The following NTM variants were observed in gnomAD, a reference collection of about 807,000 sequenced individuals.
NTM encodes neurotrimin, also known as IgLON family member 2.
A neutral mutation model predicts 42.1 loss-of-function variants in NTM; 13 were observed. The observed-to-expected ratio is 0.31, with a 90% CI of 0.20 to 0.49. The LOEUF (loss-of-function observed/expected upper bound fraction) is 0.49. Ranked by LOEUF, NTM falls within the 20% of genes least tolerant of loss-of-function variation. The probability of loss-of-function intolerance (pLI) is 0.99; values close to 1 mark genes in which losing one functional copy is unlikely to be tolerated. For synonymous variants in NTM, 187 were observed against 179.2 expected (o/e 1.04, Z -0.35); for missense variants, 373 against 452.8 (o/e 0.82, Z 1.60).
intron 2 of NTM, among the ~76,000 whole-genome samples, chr11:131,932,694 C>T (rs2058759323): frequency 6.6e-6 from 1 of 152,166 alleles, no homozygotes; most frequent in African/African-American, 2.4e-5. Flanking sequence ...CCTTAATGAG[C>T]AGGCGTTGGT....
At chr11:131,504,220 C>G (rs7114267) in intron 1 of NTM, among the ~76,000 whole-genome samples, 179 of 152,322 alleles carry the variant, frequency 1.2e-3, no homozygotes, top group African/African-American at 4.2e-3. Flanking sequence ...CTCTGTCTCG[C>G]ACAGCGCATG....
At position 131,734,104 on chromosome 11, in the gene NTM, A is replaced by G. The variant is rs141905135; in HGVS notation, c.83-177460A>G. Among the ~76,000 whole-genome samples the G allele has an allele frequency of 5.9e-5, 9 of 152,308 alleles. No homozygotes were observed. The East Asian group carries it at 1.7e-3, about 29-fold the overall frequency. On this transcript the variant is annotated intron_variant, in intron 1 of 8. Coordinates refer to ENST00000683400, the MANE Select transcript of NTM (RefSeq NM_001352005.2). ...GTATCTGACAACAAAGAGACCCTCC[A>G]GTGGGGCCATGCAGGAGGAGAGACA...
intron 1 of NTM, among the ~76,000 whole-genome samples, chr11:131,476,310 C>A (rs781507772): frequency 6.6e-6 from 1 of 152,190 alleles, no homozygotes; most frequent in Non-Finnish European, 1.5e-5. Flanking sequence ...ATTTAATAGA[C>A]AAGTGAGTGG....
chr11:131,869,280 C>G (rs115069880), intron 1 of NTM, among the ~76,000 whole-genome samples: 2 of 152,308 alleles, frequency 1.3e-5, no homozygotes, highest in East Asian at 3.9e-4. Context: ...TGCTTCTCCC[C>G]GCCTACGCGC....
At chr11:131,377,118 A>C (rs912770930) in intron 1 of NTM, among the ~76,000 whole-genome samples, 1 of 152,170 alleles carries the variant, frequency 6.6e-6, no homozygotes, top group African/African-American at 2.4e-5. Context: ...CAGGGAAGTA[A>C]CCAGCCCTCA....
At chr11:132,244,709 C>G (rs1246012264) in intron 4 of NTM, among the ~76,000 whole-genome samples, 1 of 152,202 alleles carries the variant, frequency 6.6e-6, no homozygotes, top group African/African-American at 2.4e-5. Flanking sequence ...ATTCACAACG[C>G]AGGTGCACAG....
intron 2 of NTM, among the ~76,000 whole-genome samples, chr11:131,998,981 G>A (rs2068663642): frequency 1.3e-5 from 2 of 152,140 alleles, no homozygotes; most frequent in South Asian, 4.2e-4. Flanking sequence ...GATTGGAGAA[G>A]CAGACATTGT....
chr11:131,809,741 A>G (rs1055485162), intron 1 of NTM, among the ~76,000 whole-genome samples: 8 of 152,194 alleles, frequency 5.3e-5, no homozygotes, highest in African/African-American at 1.9e-4. Flanking sequence ...CGGCACCAAT[A>G]TAAATCTTCG....
At chr11:132,232,599 A>G (rs1415985159) in intron 4 of NTM, among the ~76,000 whole-genome samples, 1 of 152,246 alleles carries the variant, frequency 6.6e-6, no homozygotes, top group Non-Finnish European at 1.5e-5. Context: ...GACTCTTAAC[A>G]AACCAATTAA....
intron 1 of NTM, among the ~76,000 whole-genome samples, chr11:131,755,281 A>C (rs2083175695): frequency 6.6e-6 from 1 of 152,188 alleles, no homozygotes; most frequent in Non-Finnish European, 1.5e-5. Context: ...TTTATATATG[A>C]AAGGTACAAT....
chr11:131,931,446 A>T (rs1565764099), intron 2 of NTM, among the ~76,000 whole-genome samples: 1 of 148,356 alleles, frequency 6.7e-6, no homozygotes, highest in African/African-American at 2.5e-5. Flanking sequence ...CTCAAAAAAA[A>T]AAATAATAAT....
In NTM at chr11:131,510,866, G is replaced by GC. The variant is rs777586663; in HGVS notation, c.82+139983dup. Among the ~76,000 whole-genome samples the GC allele has an allele frequency of 6.3e-4, 96 of 152,292 alleles. 1 individual carries two copies. In the Middle Eastern group the frequency reaches 0.02, roughly 32 times the overall value. Reference sequence around the variant, plus strand: ...GTCCTGGCTTGGGTGGGTCTGCACGGCCCCCTGGGCCGTGGGAAGAGCTCC... The same window carrying GC: ...GTCCTGGCTTGGGTGGGTCTGCACGGCCCCCCTGGGCCGTGGGAAGAGCTCC... On this transcript the variant is annotated intron_variant, in intron 1 of 8. Transcript: ENST00000683400.
intron 2 of NTM, among the ~76,000 whole-genome samples, chr11:132,144,347 C>T (rs1364426245): frequency 6.6e-6 from 1 of 152,188 alleles, no homozygotes; most frequent in Non-Finnish European, 1.5e-5. Flanking sequence ...CCAGGGGGCT[C>T]ATGTGCACCG....
intron 1 of NTM, among the ~76,000 whole-genome samples, chr11:131,879,794 T>A (rs1379112420): frequency 1.3e-5 from 2 of 152,162 alleles, no homozygotes; most frequent in African/African-American, 4.8e-5. Flanking sequence ...TCTTAAATAG[T>A]TGTCCCAAAT....
intron 1 of NTM, among the ~76,000 whole-genome samples, chr11:131,690,565 G>A (rs2074532333): frequency 6.6e-6 from 1 of 152,232 alleles, no homozygotes; most frequent in South Asian, 2.1e-4. Context: ...AGCGTTCTCT[G>A]CCCTCAGAAA....
intron 1 of NTM, among the ~76,000 whole-genome samples, chr11:131,664,431 AG>A (rs1264044653): frequency 2.0e-5 from 3 of 152,198 alleles, no homozygotes; most frequent in African/African-American, 7.2e-5. Flanking sequence ...TGCCAATACA[AG>A]GAACAGTTTT....
intron 2 of NTM, among the ~76,000 whole-genome samples, chr11:131,973,474 C>CCCTAAGGGCAGGAGGGG (rs2063850303): frequency 6.6e-6 from 1 of 152,214 alleles, no homozygotes; most frequent in African/African-American, 2.4e-5. Context: ...CACAGTGAAT[C>CCCTAAGGGCAGGAGGGG]CCTAAGGGCA....
chr11:131,696,979 C>T (rs945816172), intron 1 of NTM, among the ~76,000 whole-genome samples: 1 of 152,130 alleles, frequency 6.6e-6, no homozygotes. Context: ...GACAAGAACC[C>T]GTTTCGTTAG....
intron 4 of NTM, among the ~76,000 whole-genome samples, chr11:132,303,327 C>G (rs1172148069): frequency 6.6e-6 from 1 of 152,200 alleles, no homozygotes; most frequent in South Asian, 2.1e-4. Flanking sequence ...AGAACCCTCC[C>G]TCGCCTCTCC....
Sources: allele counts gnomAD v4.1 joint callset (sites outside exome capture counted in the v4.1 genomes callset), GRCh38; gene constraint gnomAD v4.1.1; transcripts MANE v1.5; gene names NCBI Gene and HGNC (gene_info 2026-07-23, HGNC 2026-07-21).